PKD1L1: variants seen among roughly 807,000 people sequenced by gnomAD.
PKD1L1 encodes the protein polycystin-1-like protein 1.
PKD1L1 carries 236 observed loss-of-function variants against 323.4 expected under a neutral mutation model. The ratio of observed to expected loss-of-function variants is 0.73; its 90% CI spans 0.66 to 0.81. The LOEUF (loss-of-function observed/expected upper bound fraction) is 0.81, where lower values mean the gene tolerates loss of function less well. Among genes scored for constraint, PKD1L1 ranks in the 40% least tolerant of loss-of-function variants. The probability of loss-of-function intolerance (pLI) is 0.00; values close to 1 mark genes in which losing one functional copy is unlikely to be tolerated. For synonymous variants in PKD1L1, 1,344 were observed against 1,335.0 expected, an observed-to-expected ratio of 1.01 and a Z score of -0.15; for missense variants, 3,320 against 3,508.0, an observed-to-expected ratio of 0.95 and a Z score of 1.35.
Position 47,885,866 on chromosome 7 carries a change from G to C in PKD1L1, c.3025C>G (p.Pro1009Ala), listed in dbSNP as rs1583648499. The change falls in exon 18 of 57, where the codon CCC becomes GCC. Residue 1009 changes from proline to alanine, a missense_variant. Physicochemically the swap from Pro to Ala is conservative, Grantham distance 27 (BLOSUM62 -1). Transcript: ENST00000289672. ...QPATSAPRGT[P>A]TEPMTGVYWI... ...TAGACTCCAGTCATGGGCTCTGTGG[G>C]GGTTCCCCTTGGAGCTGAAGTGGCA... 1 of 1,614,180 alleles carries C rather than the reference G, an allele frequency of 6.2e-7. No homozygotes were observed. Among genetic ancestry groups the C allele is most frequent in the East Asian group, 2.2e-5 (1 of 44,866 alleles).
intron 56 of PKD1L1, among the ~76,000 whole-genome samples, chr7:47,792,057 G>A (rs1786962565): frequency 6.6e-6 from 1 of 152,164 alleles, no homozygotes; most frequent in East Asian, 1.9e-4. Flanking sequence ...CTTCCTGCAC[G>A]TTTTGTCCTT....
intron 26 of PKD1L1, among the ~76,000 whole-genome samples, chr7:47,859,705 C>T (rs1297407691): frequency 6.6e-6 from 1 of 150,730 alleles, no homozygotes; most frequent in Non-Finnish European, 1.5e-5. Flanking sequence ...TGGCTCACTG[C>T]ATCCTCCGCC....
chr7:47,776,471 T>G (rs940959801), intron 56 of PKD1L1, among the ~76,000 whole-genome samples: 5 of 152,226 alleles, frequency 3.3e-5, no homozygotes, highest in African/African-American at 9.6e-5. Flanking sequence ...TGATGCACCC[T>G]GATTTGCTCC....
At chr7:47,799,486 T>C (rs1195340621) in intron 54 of PKD1L1, among the ~76,000 whole-genome samples, 3 of 152,286 alleles carry the variant, frequency 2.0e-5, no homozygotes, top group East Asian at 1.9e-4. Context: ...CTACAATGTG[T>C]CAGGAACTAC....
chr7:47,841,836 AT>A (rs1182238511), intron 34 of PKD1L1, among the ~76,000 whole-genome samples: 1 of 152,152 alleles, frequency 6.6e-6, no homozygotes, highest in African/African-American at 2.4e-5. Context: ...ATAAATAGTT[AT>A]TGCTGTTTTA....
chr7:47,938,359 C>T (rs576288956), intron 3 of PKD1L1, among the ~76,000 whole-genome samples: 3 of 152,100 alleles, frequency 2.0e-5, no homozygotes, highest in African/African-American at 4.8e-5. Flanking sequence ...TCTTCTGTGA[C>T]GAGAACAGGG....
At chr7:47,920,298 C>CAAAAAAAA (rs58524433) in intron 7 of PKD1L1, among the ~76,000 whole-genome samples, 1 of 140,348 alleles carries the variant, frequency 7.1e-6, no homozygotes. Flanking sequence ...CAAACAAAAA[C>CAAAAAAAA]AAAAAAAAAA....
intron 55 of PKD1L1, 47 bp from the exon 56 acceptor site, chr7:47,792,844 T>C (rs1483473080): frequency 6.6e-7 from 1 of 1,523,072 alleles, no homozygotes; most frequent in Non-Finnish European, 9.1e-7. Flanking sequence ...AGAATCTCAT[T>C]ATCCCCCTTT....
chr7:47,956,213 G>A, the PKD1L1 span, among the ~76,000 whole-genome samples: 1 of 152,072 alleles, frequency 6.6e-6, no homozygotes, highest in Admixed American at 6.5e-5. Context: ...CACCTCTCCC[G>A]CAAGCCCACA....
intron 33 of PKD1L1, 103 bp downstream of exon 33, chr7:47,844,892 G>T: frequency 1.2e-6 from 1 of 829,440 alleles, no homozygotes. Context: ...ATGATAGTAA[G>T]TAACATGGAT....
chr7:47,904,644 G>C, intron 11 of PKD1L1, 27 bp from the exon 12 acceptor site: 1 of 1,594,906 alleles, frequency 6.3e-7, no homozygotes, highest in Non-Finnish European at 8.6e-7. Flanking sequence ...GGAGGGCAGG[G>C]AAGGCAGATG....
intron 26 of PKD1L1, 99 bp downstream of exon 26, chr7:47,865,117 T>C: frequency 1.2e-6 from 1 of 830,442 alleles, no homozygotes; most frequent in Non-Finnish European, 1.9e-6. Context: ...AATCTAAGTG[T>C]CAAACTATGA....
At chr7:47,952,224 G>T (rs1289126080), upstream of PKD1L1, among the ~76,000 whole-genome samples, 1 of 152,182 alleles carries the variant, frequency 6.6e-6, no homozygotes, top group African/African-American at 2.4e-5. Context: ...ATAAGATCTT[G>T]GTAGAATGTC....
Position 47,918,475 on chromosome 7 carries a change from A to C in PKD1L1, c.1061-2876T>G, listed in dbSNP as rs112522510. On this transcript the variant is annotated intron_variant, in intron 7 of 56. Transcript: ENST00000289672. ...CATCAAGACAGAAAGTCAACAACAA[A>C]AAAAAAAACAATGGATTTAAACTAT... Among the ~76,000 whole-genome samples the C allele has an allele frequency of 2.9e-3, 435 of 151,956 alleles. 2 individuals are homozygous for C. The highest frequency in any genetic ancestry group is 6.0e-3 in the East Asian group (31 of 5,176).
At chr7:47,814,430 A>AC (rs1294625743) in intron 47 of PKD1L1, among the ~76,000 whole-genome samples, 1 of 152,208 alleles carries the variant, frequency 6.6e-6, no homozygotes, top group East Asian at 1.9e-4. Flanking sequence ...CCCAGGCTGG[A>AC]GTGCAGTGGT....
intron 31 of PKD1L1, among the ~76,000 whole-genome samples, chr7:47,850,316 C>T (rs970673847): frequency 6.6e-6 from 1 of 152,140 alleles, no homozygotes; most frequent in Non-Finnish European, 1.5e-5. Flanking sequence ...AAATGTCTCA[C>T]AAATTCAAAA....
At chr7:47,822,939 T>C (rs750606931) in intron 45 of PKD1L1, among the ~76,000 whole-genome samples, 1 of 149,516 alleles carries the variant, frequency 6.7e-6, no homozygotes, top group Non-Finnish European at 1.5e-5. Context: ...AATTCACTTA[T>C]TAGTTCCAGA....
At chr7:47,779,460 C>T (rs534685315) in intron 56 of PKD1L1, among the ~76,000 whole-genome samples, 13 of 152,310 alleles carry the variant, frequency 8.5e-5, no homozygotes, top group African/African-American at 2.9e-4. Context: ...TGGGAGTAGG[C>T]CATAACTCAG....
chr7:47,848,380 G>A (rs1428016229), intron 31 of PKD1L1, among the ~76,000 whole-genome samples: 2 of 152,040 alleles, frequency 1.3e-5, no homozygotes, highest in Non-Finnish European at 2.9e-5. Flanking sequence ...AAATACATAC[G>A]GAGTGATTTC....
Sources: allele counts gnomAD v4.1 joint callset (sites outside exome capture counted in the v4.1 genomes callset), GRCh38; gene constraint gnomAD v4.1.1; transcripts MANE v1.5; gene names NCBI Gene and HGNC (gene_info 2026-07-23, HGNC 2026-07-21).